Variants in CNTNAP2 observed in about 807,000 individuals in gnomAD.
CNTNAP2 encodes contactin-associated protein-like 2.
CNTNAP2 carries 98 observed loss-of-function variants against 155.2 expected under a neutral mutation model. The ratio of observed to expected loss-of-function variants is 0.63; its 90% CI spans 0.54 to 0.75. The LOEUF is 0.75. CNTNAP2 is among the 30% of genes least tolerant of loss of function. CNTNAP2 has a pLI of 0.00. For missense variants in CNTNAP2, 1,727 were observed against 1,688.1 expected (o/e 1.02, Z -0.40); for synonymous variants, 651 against 631.2 (o/e 1.03, Z -0.47).
At chr7:146,702,988 G>C (rs181219650) in intron 1 of CNTNAP2, among the ~76,000 whole-genome samples, 139 of 152,162 alleles carry the variant, frequency 9.1e-4, no homozygotes, top group Admixed American at 2.2e-3. Context: ...CTCTTTTTAC[G>C]TGAGACAAAT....
At chr7:147,401,155 T>C (rs1796905885) in intron 10 of CNTNAP2, among the ~76,000 whole-genome samples, 1 of 152,174 alleles carries the variant, frequency 6.6e-6, no homozygotes, top group Non-Finnish European at 1.5e-5. Context: ...TCATTAGAAT[T>C]AGAATCTCCT....
intron 22 of CNTNAP2, among the ~76,000 whole-genome samples, chr7:148,405,356 C>G (rs1187028711): frequency 6.6e-6 from 1 of 151,266 alleles, no homozygotes; most frequent in African/African-American, 2.4e-5. Flanking sequence ...ACTCCTTCCA[C>G]TATCTCCGTA....
intron 8 of CNTNAP2, among the ~76,000 whole-genome samples, chr7:147,247,385 A>C (rs2116650961): frequency 6.6e-6 from 1 of 152,266 alleles, no homozygotes; most frequent in Non-Finnish European, 1.5e-5. Flanking sequence ...GATCTGTGGC[A>C]CCATAGAATA....
intron 1 of CNTNAP2, among the ~76,000 whole-genome samples, chr7:146,648,732 C>G (rs1378868902): frequency 2.0e-5 from 3 of 152,000 alleles, no homozygotes; most frequent in Non-Finnish European, 2.9e-5. Flanking sequence ...TCTTTAAGAC[C>G]TGACATAGCA....
intron 13 of CNTNAP2, chr7:147,672,350 C>G (rs1054109382): frequency 6.6e-6 from 1 of 152,102 alleles, no homozygotes; most frequent in African/African-American, 2.4e-5. Flanking sequence ...ACATTTATGA[C>G]CCATTATCAG....
intron 14 of CNTNAP2, among the ~76,000 whole-genome samples, chr7:147,965,376 TC>T (rs112819039): frequency 3.3e-5 from 5 of 152,072 alleles, no homozygotes; most frequent in African/African-American, 9.6e-5. Flanking sequence ...TCCTCTAGTT[TC>T]TGCCCTATTG....
intron 1 of CNTNAP2, among the ~76,000 whole-genome samples, chr7:146,721,151 CTA>C (rs1165623647): frequency 7.7e-6 from 1 of 129,556 alleles, no homozygotes; most frequent in African/African-American, 2.9e-5. Context: ...TTTATATATT[CTA>C]TATATATATT....
intron 1 of CNTNAP2, among the ~76,000 whole-genome samples, chr7:146,759,461 G>A (rs569601990): frequency 7.9e-5 from 12 of 152,128 alleles, no homozygotes; most frequent in African/African-American, 2.9e-4. Flanking sequence ...TTGGGAGGCC[G>A]AGATGGGCAG....
At chr7:147,673,507 A>C (rs758854224) in intron 13 of CNTNAP2, among the ~76,000 whole-genome samples, 24 of 152,334 alleles carry the variant, frequency 1.6e-4, no homozygotes, top group Admixed American at 2.6e-4. Flanking sequence ...ATCCTCTTTC[A>C]CTATAGCATG....
intron 1 of CNTNAP2, among the ~76,000 whole-genome samples, chr7:146,746,583 G>C (rs1801813160): frequency 6.6e-6 from 1 of 152,036 alleles, no homozygotes; most frequent in Non-Finnish European, 1.5e-5. Context: ...CTCTCCCTTT[G>C]AGTTTTTTAA....
chr7:146,268,754 A>C (rs975272496), intron 1 of CNTNAP2, among the ~76,000 whole-genome samples: 3 of 152,244 alleles, frequency 2.0e-5, no homozygotes, highest in African/African-American at 7.2e-5. Context: ...TTCAAGAGGG[A>C]ACAAAAGGTA....
chr7:148,206,262 A>G (rs957631105), intron 18 of CNTNAP2, among the ~76,000 whole-genome samples: 3 of 147,650 alleles, frequency 2.0e-5, no homozygotes, highest in African/African-American at 7.4e-5. Flanking sequence ...TTTTAATTAT[A>G]TATAATATAA....
intron 1 of CNTNAP2, among the ~76,000 whole-genome samples, chr7:146,298,190 C>A (rs942944383): frequency 6.6e-6 from 1 of 152,276 alleles, no homozygotes. Flanking sequence ...CCACTATTTG[C>A]AAGTTGAATG....
At chr7:146,820,319 G>C (rs947844699) in intron 2 of CNTNAP2, among the ~76,000 whole-genome samples, 1 of 151,968 alleles carries the variant, frequency 6.6e-6, no homozygotes, top group African/African-American at 2.4e-5. Flanking sequence ...ATGTTTTGAG[G>C]AATTAATAAA....
intron 1 of CNTNAP2, among the ~76,000 whole-genome samples, chr7:146,240,540 ATGAT>A (rs1274027169): frequency 6.6e-6 from 1 of 151,424 alleles, no homozygotes; most frequent in Non-Finnish European, 1.5e-5. Context: ...TTATATATAA[ATGAT>A]AATAATAATG....
chr7:146,523,084 G>A (rs935266872), intron 1 of CNTNAP2, among the ~76,000 whole-genome samples: 3 of 151,726 alleles, frequency 2.0e-5, no homozygotes, highest in African/African-American at 4.8e-5. Flanking sequence ...GGATCCTGGC[G>A]CACCCATCAC....
At chr7:146,352,747 T>A (rs1794933672) in intron 1 of CNTNAP2, among the ~76,000 whole-genome samples, 1 of 133,330 alleles carries the variant, frequency 7.5e-6, no homozygotes, top group Non-Finnish European at 1.5e-5. Context: ...TTAGCATAAT[T>A]CTGTTTTTTT....
At chr7:146,761,693 T>TA (rs1250461781) in intron 1 of CNTNAP2, among the ~76,000 whole-genome samples, 2 of 152,202 alleles carry the variant, frequency 1.3e-5, no homozygotes, top group East Asian at 3.9e-4. Flanking sequence ...AAACTGTCCT[T>TA]ACCCCTTCAG....
At chr7:147,643,352 A>C (rs1795316782) in intron 13 of CNTNAP2, 1 of 152,156 alleles carries the variant, frequency 6.6e-6, no homozygotes, top group Admixed American at 6.6e-5. Context: ...TACCCTTCTG[A>C]GTCATTTTTT....
Sources: allele counts gnomAD v4.1 joint callset (sites outside exome capture counted in the v4.1 genomes callset), GRCh38; gene constraint gnomAD v4.1.1; transcripts MANE v1.5; gene names NCBI Gene and HGNC (gene_info 2026-07-23, HGNC 2026-07-21).